Variants in JAKMIP1 observed in about 807,000 individuals in gnomAD.
The protein encoded by JAKMIP1 is janus kinase and microtubule interacting protein 1, also known as janus kinase and microtubule-interacting protein 1.
Under a neutral mutation model 113.0 loss-of-function variants are expected in JAKMIP1, and 33 were observed. The ratio of observed to expected loss-of-function variants is 0.29; its 90% CI spans 0.22 to 0.39. The LOEUF is 0.39. Ranked by LOEUF, JAKMIP1 falls within the 10% of genes least tolerant of loss-of-function variation. The probability of loss-of-function intolerance (pLI) is 1.00; values close to 1 mark genes in which losing one functional copy is unlikely to be tolerated. For synonymous variants in JAKMIP1, 480 were observed against 459.9 expected (o/e 1.04, Z -0.56); for missense variants, 813 against 1,080.5 (o/e 0.75, Z 3.47).
rs539790458 is a variant in JAKMIP1 at position 6,140,326 on chromosome 4, A to G, written c.-147-27329T>C. 2.0e-5 allele frequency among the ~76,000 whole-genome samples: 3 copies of G among 151,172 alleles called. No homozygotes were observed. In the South Asian group the frequency reaches 6.3e-4, roughly 32 times the overall value. The stretch of plus-strand genomic sequence containing the variant: ...TACACATCTTCCCACATAAATCATA[A>G]TGCACACCTGATGATGGGCCGACCA... On this transcript the variant is annotated intron_variant, in intron 1 of 20. Transcript: ENST00000409021. This position sits in a 1 kb window ranked among gnomAD's most constrained non-coding sequence, Gnocchi z 9.4.
intron 1 of JAKMIP1, among the ~76,000 whole-genome samples, chr4:6,161,461 C>T (rs73075464): frequency 2.6e-5 from 4 of 152,090 alleles, no homozygotes; most frequent in Non-Finnish European, 5.9e-5. Flanking sequence ...GGTGGGAGAG[C>T]CACACCCGCC....
rs1170451685 is a variant in JAKMIP1, at chr4:6,093,884, G to T, written c.625-8255C>A. On this transcript the variant is annotated intron_variant, in intron 3 of 20. Transcript: ENST00000409021. The surrounding 1 kb of genome is among the most constrained non-coding windows in gnomAD (Gnocchi z 4.6). ...CTCAATGTGTCTGGTCAACCTGTGT[G>T]CAGGGCTCCAGAGTCCCACCTGCCC... Among the ~76,000 whole-genome samples the T allele has an allele frequency of 6.6e-6, 1 of 152,112 alleles. No individual in the cohort carries two copies. Among genetic ancestry groups the T allele is most frequent in the Non-Finnish European group, 1.5e-5 (1 of 68,016 alleles).
In JAKMIP1 at chr4:6,168,793, G is replaced by A. The variant is rs1723972683; in HGVS notation, c.-148+31460C>T. Among the ~76,000 whole-genome samples the A allele has an allele frequency of 6.6e-6, 1 of 152,064 alleles. No individual in the cohort carries two copies. Among genetic ancestry groups the A allele is most frequent in the South Asian group, 2.1e-4 (1 of 4,822 alleles). Reference sequence around the variant, plus strand: ...CATGCCCCTGTGGTCCCAGCTACTTGGGAGGCTGATGTGGGAGAATCACTT... The same window carrying A: ...CATGCCCCTGTGGTCCCAGCTACTTAGGAGGCTGATGTGGGAGAATCACTT... On this transcript the variant is annotated intron_variant, in intron 1 of 20. Coordinates refer to ENST00000409021, the MANE Select transcript of JAKMIP1 (RefSeq NM_001099433.2). The surrounding 1 kb of genome is among the most constrained non-coding windows in gnomAD (Gnocchi z 4.6).
intron 3 of JAKMIP1, among the ~76,000 whole-genome samples, chr4:6,103,049 T>A (rs1487758118): frequency 6.6e-6 from 1 of 152,226 alleles, no homozygotes; most frequent in African/African-American, 2.4e-5. Context: ...GCCAATGCAA[T>A]GTTGACTAGA....
chr4:6,130,218 G>A (rs1012611277), intron 1 of JAKMIP1, among the ~76,000 whole-genome samples: 3 of 152,242 alleles, frequency 2.0e-5, no homozygotes, highest in Admixed American at 6.5e-5. Flanking sequence ...AGGAGGGAGC[G>A]GGGACGCAAT....
Position 6,050,772 on chromosome 4 carries a change from C to T in JAKMIP1, c.1807-93G>A. 1.0e-6 allele frequency: 1 copy of T among 989,812 alleles called. No individual in the cohort carries two copies. The highest frequency in any genetic ancestry group is 1.6e-6 in the Non-Finnish European group (1 of 644,792). The allele number at this position is 989,812 out of a possible 1,614,324, so 61.3% of individuals were successfully genotyped here. A position where few individuals can be genotyped will look rare whatever the true frequency, so the allele number is the denominator to read the frequency against. Reference sequence around the variant, plus strand: ...TTACTCAGCAAAAACCAAGGAATTCCAGTGGGCACAGACGTTACTAAAAAG... The same window carrying T: ...TTACTCAGCAAAAACCAAGGAATTCTAGTGGGCACAGACGTTACTAAAAAG... On this transcript the variant is annotated intron_variant, in intron 13 of 20. Coordinates refer to ENST00000409021, the MANE Select transcript of JAKMIP1 (RefSeq NM_001099433.2). The surrounding 1 kb of genome is among the most constrained non-coding windows in gnomAD (Gnocchi z 7.4).
chr4:6,085,787 C>A (rs187852943), intron 3 of JAKMIP1, among the ~76,000 whole-genome samples, 158 bp from the exon 4 acceptor site: 1 of 152,184 alleles, frequency 6.6e-6, no homozygotes, highest in Non-Finnish European at 1.5e-5. Context: ...AAGCACAGCC[C>A]GCAGCCCAGG....
intron 1 of JAKMIP1, among the ~76,000 whole-genome samples, chr4:6,191,948 T>TATTTATTTATTTATTTATTC: frequency 6.6e-6 from 1 of 152,022 alleles, no homozygotes; most frequent in South Asian, 2.1e-4. Flanking sequence ...TTTATTTATT[T>TATTTATTTATTTATTTATTC]TGAGATGGAG....
intron 11 of JAKMIP1, among the ~76,000 whole-genome samples, chr4:6,057,043 C>T (rs1277963756): frequency 6.6e-6 from 1 of 152,174 alleles, no homozygotes; most frequent in Non-Finnish European, 1.5e-5. Flanking sequence ...GGTGACTGGT[C>T]CACACTGGCA....
chr4:6,130,551 G>A (rs1227968853), intron 1 of JAKMIP1, among the ~76,000 whole-genome samples: 2 of 152,180 alleles, frequency 1.3e-5, no homozygotes, highest in African/African-American at 4.8e-5. Context: ...AACATTGGAA[G>A]CAGACATGGT....
At chr4:6,113,630 A>C (rs955773803) in intron 1 of JAKMIP1, among the ~76,000 whole-genome samples, 5 of 152,194 alleles carry the variant, frequency 3.3e-5, no homozygotes, top group African/African-American at 1.2e-4. Flanking sequence ...CTGAGAGAGG[A>C]AATAGTATGA....
At chr4:6,096,144 A>T (rs184372945) in intron 3 of JAKMIP1, among the ~76,000 whole-genome samples, 2 of 152,316 alleles carry the variant, frequency 1.3e-5, no homozygotes, top group East Asian at 3.9e-4. Flanking sequence ...GGCTGAGAAC[A>T]ACCTGCCAAA....
intron 1 of JAKMIP1, among the ~76,000 whole-genome samples, chr4:6,128,217 T>A (rs1426655439): frequency 6.6e-6 from 1 of 151,974 alleles, no homozygotes; most frequent in Admixed American, 6.5e-5. Context: ...GGGTCTAGGG[T>A]CAGTTCTCTG....
intron 8 of JAKMIP1, among the ~76,000 whole-genome samples, chr4:6,066,070 G>A (rs1408066192): frequency 2.0e-5 from 3 of 151,998 alleles, no homozygotes; most frequent in Non-Finnish European, 4.4e-5. Flanking sequence ...TTCAGACCAT[G>A]AAGAATGAAT....
Position 6,069,963 on chromosome 4 carries a change from A to G in JAKMIP1, c.1303-4955T>C, listed in dbSNP as rs958184727. 1 of 396,454 alleles carries G rather than the reference A, an allele frequency of 2.5e-6. No homozygotes were observed. Among genetic ancestry groups the G allele is most frequent in the Non-Finnish European group, 4.4e-6 (1 of 224,932 alleles). The allele number at this position is 396,454 out of a possible 1,614,324, so 24.6% of individuals were successfully genotyped here. A position where few individuals can be genotyped will look rare whatever the true frequency, so the allele number is the denominator to read the frequency against. ...TCTTCTCACCTTCCTATCATTTTCAACAGAGCCACCTGTCACAGGCAGGAG... is the reference window on the plus strand; with the variant it reads ...TCTTCTCACCTTCCTATCATTTTCAGCAGAGCCACCTGTCACAGGCAGGAG... On this transcript the variant is annotated intron_variant, in intron 8 of 20. Transcript: ENST00000409021. This position sits in a 1 kb window ranked among gnomAD's most constrained non-coding sequence, Gnocchi z 4.5.
rs986476191 is a variant in JAKMIP1 at position 6,137,723 on chromosome 4, T to C, written c.-147-24726A>G. On this transcript the variant is annotated intron_variant, in intron 1 of 20. Coordinates refer to ENST00000409021, the MANE Select transcript of JAKMIP1 (RefSeq NM_001099433.2). This position sits in a 1 kb window ranked among gnomAD's most constrained non-coding sequence, Gnocchi z 4.5. The stretch of plus-strand genomic sequence containing the variant: ...TTGGAGCTAGGGCTCTGCACATCAC[T>C]TAGGTTCCATCATTCATTCAATTCA... Among the ~76,000 whole-genome samples, 4 of 152,338 alleles carry C rather than the reference T, an allele frequency of 2.6e-5. No individual in the cohort carries two copies. Among genetic ancestry groups the C allele is most frequent in the African/African-American group, 9.6e-5 (4 of 41,580 alleles).
rs560900251 is a variant in JAKMIP1, at chr4:6,031,993, T to C, written c.2380-2212A>G. ...GACCTCAGTCTGGTAGTGGCAGGAG[T>C]TTCCTGGCAACCCCCTCACATGCAG... On this transcript the variant is annotated intron_variant, in intron 19 of 20. Coordinates refer to ENST00000409021, the MANE Select transcript of JAKMIP1 (RefSeq NM_001099433.2). The surrounding 1 kb of genome is among the most constrained non-coding windows in gnomAD (Gnocchi z 4.4). Among the ~76,000 whole-genome samples the C allele has an allele frequency of 6.6e-4, 101 of 152,104 alleles. No homozygotes were observed. The highest frequency in any genetic ancestry group is 2.4e-3 in the African/African-American group (98 of 41,482).
rs1285991705 is a variant in JAKMIP1, at chr4:6,176,445, G to A, written c.-148+23808C>T. 6.6e-6 allele frequency among the ~76,000 whole-genome samples: 1 copy of A among 152,174 alleles called. No homozygotes were observed. The highest frequency in any genetic ancestry group is 1.5e-5 in the Non-Finnish European group (1 of 68,026). On this transcript the variant is annotated intron_variant, in intron 1 of 20. Coordinates refer to ENST00000409021, the MANE Select transcript of JAKMIP1 (RefSeq NM_001099433.2). This position sits in a 1 kb window ranked among gnomAD's most constrained non-coding sequence, Gnocchi z 5.5. ...TGAACGGGACCAAGGAAGGATTTCC[G>A]ATGTTCAGCTGTATTGTACATTTTA... is the stretch of plus-strand genomic sequence containing the variant.
rs1225149312 is a variant in JAKMIP1, at chr4:6,184,991, C to T, written c.-148+15262G>A. Among the ~76,000 whole-genome samples the T allele has an allele frequency of 6.6e-6, 1 of 152,188 alleles. No individual in the cohort carries two copies. The highest frequency in any genetic ancestry group is 2.4e-5 in the African/African-American group (1 of 41,438). The stretch of plus-strand genomic sequence containing the variant: ...CTTTCTCCCGTGCTGGATGCTTCCT[C>T]CCCTCGAACATCAGACTCCAAGTTC... On this transcript the variant is annotated intron_variant, in intron 1 of 20. Transcript: ENST00000409021. The surrounding 1 kb of genome is among the most constrained non-coding windows in gnomAD (Gnocchi z 4.5).
Sources: allele counts gnomAD v4.1 joint callset (sites outside exome capture counted in the v4.1 genomes callset), GRCh38; gene constraint gnomAD v4.1.1; non-coding constraint Gnocchi (gnomAD v3.1); transcripts MANE v1.5; gene names NCBI Gene and HGNC (gene_info 2026-07-23, HGNC 2026-07-21).